Variants in PHACTR1 observed in about 807,000 individuals in gnomAD.
PHACTR1 encodes the protein phosphatase and actin regulator 1.
A neutral mutation model predicts 69.2 loss-of-function variants in PHACTR1; 16 were observed. The ratio of observed to expected loss-of-function variants is 0.23; its 90% CI spans 0.16 to 0.35. PHACTR1 has a LOEUF of 0.35. Ranked by LOEUF, PHACTR1 falls within the 10% of genes least tolerant of loss-of-function variation. The pLI is 1.00. For synonymous variants in PHACTR1, 312 were observed against 284.5 expected, an observed-to-expected ratio of 1.10 and a Z score of -0.97; for missense variants, 510 against 734.7, an observed-to-expected ratio of 0.69 and a Z score of 3.54.
chr6:13,151,517 T>A (rs1343633469), intron 5 of PHACTR1, among the ~76,000 whole-genome samples: 5 of 152,212 alleles, frequency 3.3e-5, no homozygotes, highest in Non-Finnish European at 7.3e-5. Flanking sequence ...TGAACAAGTA[T>A]GAACACAGTA....
chr6:12,923,790 G>A (rs529346015), intron 4 of PHACTR1, among the ~76,000 whole-genome samples: 3 of 152,282 alleles, frequency 2.0e-5, no homozygotes, highest in Admixed American at 6.5e-5. Context: ...CATTAGACAC[G>A]AATGAGAAAC....
intron 5 of PHACTR1, among the ~76,000 whole-genome samples, chr6:13,086,920 T>C (rs1013235506): frequency 3.9e-5 from 6 of 152,062 alleles, no homozygotes; most frequent in Admixed American, 6.6e-5. Flanking sequence ...TGTATTCTTG[T>C]CAACACTTGG....
intron 9 of PHACTR1, among the ~76,000 whole-genome samples, chr6:13,229,684 C>T (rs570615230): frequency 2.6e-4 from 40 of 152,204 alleles, no homozygotes; most frequent in Non-Finnish European, 5.1e-4. Flanking sequence ...GCCCCTCCTC[C>T]TCGTGAAACT....
At chr6:13,110,704 G>A (rs1816901850) in intron 5 of PHACTR1, among the ~76,000 whole-genome samples, 1 of 152,162 alleles carries the variant, frequency 6.6e-6, no homozygotes, top group South Asian at 2.1e-4. Flanking sequence ...ACAGAAAACT[G>A]GGGAGATCAC....
At chr6:13,110,765 C>T (rs976618480) in intron 5 of PHACTR1, among the ~76,000 whole-genome samples, 9 of 152,158 alleles carry the variant, frequency 5.9e-5, no homozygotes, top group Admixed American at 6.5e-5. Context: ...AACTGCTCTG[C>T]GTGTCTGAAC....
chr6:13,244,410 C>G (rs1460147889), intron 10 of PHACTR1, among the ~76,000 whole-genome samples: 2 of 152,134 alleles, frequency 1.3e-5, no homozygotes, highest in African/African-American at 4.8e-5. Flanking sequence ...TGAGATCAAC[C>G]AGTGTGACCA....
intron 10 of PHACTR1, among the ~76,000 whole-genome samples, chr6:13,240,821 C>T (rs1772732568): frequency 6.6e-6 from 1 of 152,142 alleles, no homozygotes; most frequent in Non-Finnish European, 1.5e-5. Context: ...GTCCCTGATA[C>T]GTGCCATTTA....
intron 4 of PHACTR1, among the ~76,000 whole-genome samples, chr6:12,850,498 T>C (rs957498296): frequency 4.6e-5 from 7 of 152,206 alleles, no homozygotes; most frequent in African/African-American, 1.7e-4. Flanking sequence ...GTTCTCACTT[T>C]AGCAGAAAAT....
chr6:12,905,851 C>A (rs1287254983), intron 4 of PHACTR1, among the ~76,000 whole-genome samples: 1 of 152,150 alleles, frequency 6.6e-6, no homozygotes, highest in East Asian at 1.9e-4. Context: ...TCCTACGTGG[C>A]AACATCTCAT....
At chr6:12,981,232 A>G (rs185702802) in intron 4 of PHACTR1, among the ~76,000 whole-genome samples, 1 of 152,394 alleles carries the variant, frequency 6.6e-6, no homozygotes, top group East Asian at 1.9e-4. Flanking sequence ...TAAATATAAT[A>G]GTATAAAATA....
chr6:12,992,803 C>T (rs900083585), intron 4 of PHACTR1, among the ~76,000 whole-genome samples: 15 of 152,062 alleles, frequency 9.9e-5, no homozygotes, highest in African/African-American at 1.4e-4. Flanking sequence ...GTGAAATGCC[C>T]GGGGTGGGGC....
intron 4 of PHACTR1, 45 bp downstream of exon 4, chr6:12,749,835 C>A: frequency 6.7e-7 from 1 of 1,484,726 alleles, no homozygotes; most frequent in South Asian, 1.3e-5. Context: ...GCCCTGCTCC[C>A]TCCCTCCCCG....
chr6:13,182,707 T>C lies in PHACTR1; in HGVS notation c.664+21T>C, dbSNP rs372653527. 7.9e-5 allele frequency: 119 copies of C among 1,506,268 alleles called. No homozygotes were observed. The African/African-American group carries it at 1.5e-3, about 19-fold the overall frequency. 93.3% of individuals were successfully genotyped at this position (1,506,268 alleles called of 1,614,324 possible). A position where few individuals can be genotyped will look rare whatever the true frequency, so the allele number is the denominator to read the frequency against. On this transcript the variant is annotated intron_variant, in intron 7 of 14. Transcript: ENST00000332995. ...GCCAGGTAATGCCCCGGCAGGATTGTAGAGCAGGTCCCAGACACCAAGTCC... is the reference window on the plus strand; with the variant it reads ...GCCAGGTAATGCCCCGGCAGGATTGCAGAGCAGGTCCCAGACACCAAGTCC...
chr6:12,760,344 A>C (rs1423174163), intron 4 of PHACTR1, among the ~76,000 whole-genome samples: 1 of 152,212 alleles, frequency 6.6e-6, no homozygotes, highest in Non-Finnish European at 1.5e-5. Flanking sequence ...AGTCACCCCC[A>C]GACTTAGAAA....
intron 5 of PHACTR1, among the ~76,000 whole-genome samples, chr6:13,069,483 G>C (rs1809187826): frequency 6.6e-6 from 1 of 151,952 alleles, no homozygotes; most frequent in Non-Finnish European, 1.5e-5. Flanking sequence ...TCTTACCACT[G>C]CCTCTCCTTG....
chr6:12,740,084 G>A (rs959992620), intron 3 of PHACTR1, among the ~76,000 whole-genome samples: 19 of 152,110 alleles, frequency 1.2e-4, no homozygotes, highest in African/African-American at 4.1e-4. Context: ...GAATCATGTG[G>A]TATGTAGTCT....
At chr6:12,999,382 G>A (rs1239990576) in intron 4 of PHACTR1, among the ~76,000 whole-genome samples, 4 of 152,104 alleles carry the variant, frequency 2.6e-5, no homozygotes, top group African/African-American at 9.7e-5. Context: ...GGTGGATCAC[G>A]AGATCAGGAG....
At chr6:13,165,665 A>G (rs1247450386) in intron 6 of PHACTR1, among the ~76,000 whole-genome samples, 2 of 152,202 alleles carry the variant, frequency 1.3e-5, no homozygotes, top group African/African-American at 4.8e-5. Flanking sequence ...TTTTAGGTCA[A>G]TGCAATCATG....
intron 10 of PHACTR1, among the ~76,000 whole-genome samples, chr6:13,236,810 C>A (rs931632171): frequency 6.6e-6 from 1 of 152,052 alleles, no homozygotes; most frequent in Non-Finnish European, 1.5e-5. Flanking sequence ...AATCCATAAC[C>A]CTTGGAGAAG....
Sources: allele counts gnomAD v4.1 joint callset (sites outside exome capture counted in the v4.1 genomes callset), GRCh38; gene constraint gnomAD v4.1.1; transcripts MANE v1.5; gene names NCBI Gene and HGNC (gene_info 2026-07-23, HGNC 2026-07-21).